The following LNX1 variants were observed in gnomAD, a reference collection of about 807,000 sequenced individuals.
The protein encoded by LNX1 is E3 ubiquitin-protein ligase LNX.
In LNX1, 54 loss-of-function variants were observed where a neutral mutation model predicts 68.4. That is an observed-to-expected ratio of 0.79 (90% CI 0.63 to 0.99). LNX1 has a LOEUF of 0.99. Ranked by LOEUF, LNX1 falls within the 50% of genes least tolerant of loss-of-function variation. The pLI is 0.00. For missense variants in LNX1, 906 were observed against 926.4 expected (o/e 0.98, Z 0.29); for synonymous variants, 336 against 350.0 (o/e 0.96, Z 0.45).
chr4:53,465,025 ATTG>A lies in LNX1; in HGVS notation c.1893-3435_1893-3433del, dbSNP rs748222431. Among the ~76,000 whole-genome samples, 17 of 152,236 alleles carry A rather than the reference ATTG, an allele frequency of 1.1e-4. 1 individual carries two copies. In the East Asian group the frequency reaches 2.3e-3, roughly 21 times the overall value. On this transcript the variant is annotated intron_variant, in intron 9 of 10. Coordinates refer to ENST00000263925, the MANE Select transcript of LNX1 (RefSeq NM_001126328.3). ...TATCAAATTTATCACCTACTTGATA[ATTG>A]TTATCAAGTTACATCCTAACAATTT...
chr4:53,570,022 T>C (rs567157918), intron 2 of LNX1, among the ~76,000 whole-genome samples: 43 of 152,260 alleles, frequency 2.8e-4, no homozygotes, highest in African/African-American at 1.0e-3. Flanking sequence ...GAACAGGTGG[T>C]GGAGAGGATG....
At chr4:53,502,740 C>G (rs184546413) in intron 4 of LNX1, among the ~76,000 whole-genome samples, 2 of 152,306 alleles carry the variant, frequency 1.3e-5, no homozygotes, top group Admixed American at 6.5e-5. Context: ...AGAGTCAATC[C>G]TCTACTAACC....
chr4:53,643,768 C>T (rs1734777038), intron 1 of LNX1, among the ~76,000 whole-genome samples: 1 of 152,122 alleles, frequency 6.6e-6, no homozygotes, highest in African/African-American at 2.4e-5. Context: ...GTTTCTTCAC[C>T]TGAAACATGG....
chr4:53,515,536 A>G (rs1726709135), intron 2 of LNX1, among the ~76,000 whole-genome samples: 1 of 152,094 alleles, frequency 6.6e-6, no homozygotes, highest in African/African-American at 2.4e-5. Context: ...AAAAATGACA[A>G]GAAGACCGAC....
chr4:53,599,831 T>C (rs1025754449), intron 2 of LNX1, among the ~76,000 whole-genome samples: 2 of 152,178 alleles, frequency 1.3e-5, no homozygotes, highest in Non-Finnish European at 2.9e-5. Context: ...TTTGCACAAA[T>C]GTAGAGGCAG....
intron 2 of LNX1, among the ~76,000 whole-genome samples, chr4:53,516,859 G>A (rs1255612451): frequency 2.6e-5 from 4 of 152,196 alleles, no homozygotes; most frequent in African/African-American, 9.7e-5. Flanking sequence ...GCCAAGACAG[G>A]AGAGGGGAGG....
At chr4:53,541,478 AT>A (rs79588563) in intron 2 of LNX1, among the ~76,000 whole-genome samples, 1 of 151,218 alleles carries the variant, frequency 6.6e-6, no homozygotes, top group Non-Finnish European at 1.5e-5. Context: ...TTTCATATAT[AT>A]TTTTTTTCTA....
intron 1 of LNX1, among the ~76,000 whole-genome samples, chr4:53,584,924 C>T (rs1029293083): frequency 2.0e-5 from 3 of 152,196 alleles, no homozygotes; most frequent in African/African-American, 7.2e-5. Context: ...CAAAACATGA[C>T]ACACACATCC....
At chr4:53,500,865 C>T (rs1312804078) in intron 4 of LNX1, among the ~76,000 whole-genome samples, 1 of 152,208 alleles carries the variant, frequency 6.6e-6, no homozygotes, top group Non-Finnish European at 1.5e-5. Flanking sequence ...AAAATTCATT[C>T]TGAGCAAAGA....
chr4:53,460,455 A>ATAAC lies in LNX1; in HGVS notation c.*448_*451dup, dbSNP rs1386420586. ...TAGTATCACATACTAAAAGACAACT[A>ATAAC]TAACTTCTGAAAAATATTTATTCTT... On this transcript the variant is annotated 3_prime_UTR_variant, in exon 11 of 11. Transcript: ENST00000263925. The ATAAC allele has an allele frequency of 4.7e-5, 9 of 192,734 alleles. No individual in the cohort carries two copies. The highest frequency in any genetic ancestry group is 1.9e-4 in the South Asian group (1 of 5,260). 11.9% of individuals were successfully genotyped at this position (192,734 alleles called of 1,614,324 possible). A position where few individuals can be genotyped will look rare whatever the true frequency, so the allele number is the denominator to read the frequency against.
upstream of LNX1, among the ~76,000 whole-genome samples, chr4:53,595,908 A>G (rs1429680256): frequency 2.0e-5 from 3 of 152,014 alleles, no homozygotes; most frequent in African/African-American, 4.8e-5. Flanking sequence ...GTTGTCTATG[A>G]TGATTGAATG....
intron 4 of LNX1, among the ~76,000 whole-genome samples, chr4:53,501,485 A>G (rs1327424788): frequency 6.6e-6 from 1 of 152,032 alleles, no homozygotes; most frequent in African/African-American, 2.4e-5. Flanking sequence ...AAGTCTCACC[A>G]TGTTCCCCAG....
At chr4:53,622,653 A>C (rs537402674) in intron 1 of LNX1, among the ~76,000 whole-genome samples, 3 of 152,338 alleles carry the variant, frequency 2.0e-5, no homozygotes, top group Non-Finnish European at 4.4e-5. Context: ...ACAAAGGAGG[A>C]AGTTCATGAG....
chr4:53,587,891 T>G (rs548781554), intron 1 of LNX1, among the ~76,000 whole-genome samples: 1 of 152,162 alleles, frequency 6.6e-6, no homozygotes, highest in Non-Finnish European at 1.5e-5. Flanking sequence ...CACTCTACCC[T>G]GGAACTCCAA....
chr4:53,484,460 G>A (rs1391688878), intron 6 of LNX1, among the ~76,000 whole-genome samples: 2 of 152,062 alleles, frequency 1.3e-5, no homozygotes, highest in Non-Finnish European at 2.9e-5. Flanking sequence ...CTACTCGGGA[G>A]GCTGCAGGAG....
intron 2 of LNX1, among the ~76,000 whole-genome samples, chr4:53,518,141 T>C (rs1343149860): frequency 6.6e-6 from 1 of 152,214 alleles, no homozygotes; most frequent in South Asian, 2.1e-4. Context: ...CTGGAATCTG[T>C]CTTGGCTTGT....
chr4:53,597,019 A>G (rs1442883297), intron 2 of LNX1, among the ~76,000 whole-genome samples: 3 of 152,124 alleles, frequency 2.0e-5, no homozygotes, highest in Non-Finnish European at 4.4e-5. Flanking sequence ...GCTGCCCAAG[A>G]ATATCTGTTC....
At chr4:53,481,097 G>C (rs558537052) in intron 7 of LNX1, among the ~76,000 whole-genome samples, 1 of 152,278 alleles carries the variant, frequency 6.6e-6, no homozygotes, top group African/African-American at 2.4e-5. Flanking sequence ...TACAAATTGG[G>C]CTGAGTCACT....
chr4:53,512,007 C>G (rs777360870), intron 2 of LNX1, among the ~76,000 whole-genome samples: 1 of 152,184 alleles, frequency 6.6e-6, no homozygotes, highest in Non-Finnish European at 1.5e-5. Context: ...TTCACTGTTG[C>G]ATTAGCAAAC....
Sources: gnomAD v4.1 joint callset for allele counts (sites outside exome capture counted in the v4.1 genomes callset) on GRCh38, gnomAD v4.1.1 for gene constraint, MANE v1.5 for transcripts, NCBI Gene and HGNC (gene_info 2026-07-23, HGNC 2026-07-21) for gene names.